The following CDH12 variants were observed in gnomAD, a reference collection of about 807,000 sequenced individuals.
CDH12 encodes cadherin-12.
CDH12 carries 41 observed loss-of-function variants against 74.1 expected under a neutral mutation model. The ratio of observed to expected loss-of-function variants is 0.55; its 90% CI spans 0.43 to 0.72. The LOEUF is 0.72. Ranked by LOEUF, CDH12 falls within the 30% of genes least tolerant of loss-of-function variation. The pLI, the probability that CDH12 is intolerant of heterozygous loss-of-function variation, is 0.00. For synonymous variants in CDH12, 399 were observed against 355.0 expected, an observed-to-expected ratio of 1.12 and a Z score of -1.39; for missense variants, 945 against 977.2, an observed-to-expected ratio of 0.97 and a Z score of 0.44.
chr5:22,069,244 T>C (rs544112877), intron 5 of CDH12, among the ~76,000 whole-genome samples: 7 of 152,120 alleles, frequency 4.6e-5, no homozygotes, highest in Non-Finnish European at 8.8e-5. Context: ...GGTTTTGCCA[T>C]GTTTCCCACC....
intron 5 of CDH12, among the ~76,000 whole-genome samples, chr5:22,015,296 G>GT (rs1737535876): frequency 6.6e-6 from 1 of 152,122 alleles, no homozygotes; most frequent in African/African-American, 2.4e-5. Context: ...TATTTGTGTG[G>GT]TTTTTTTCAC....
At chr5:22,834,407 G>A (rs1736736506) in intron 1 of CDH12, among the ~76,000 whole-genome samples, 1 of 152,142 alleles carries the variant, frequency 6.6e-6, no homozygotes, top group Non-Finnish European at 1.5e-5. Flanking sequence ...AGAAAGGTTT[G>A]CAAGTAGAGT....
intron 3 of CDH12, among the ~76,000 whole-genome samples, chr5:22,328,044 T>C (rs542605436): frequency 7.0e-4 from 107 of 152,240 alleles, no homozygotes; most frequent in Admixed American, 1.0e-3. Flanking sequence ...TTAATATTGT[T>C]TGGAAATGGA....
intron 11 of CDH12, among the ~76,000 whole-genome samples, chr5:21,767,305 T>C (rs1447603101): frequency 6.6e-6 from 1 of 151,710 alleles, no homozygotes; most frequent in Admixed American, 6.6e-5. Flanking sequence ...TTCCTAGAGA[T>C]TTATTTTATA....
intron 6 of CDH12, among the ~76,000 whole-genome samples, chr5:21,927,850 G>T (rs998084535): frequency 1.3e-5 from 2 of 151,878 alleles, no homozygotes; most frequent in African/African-American, 4.8e-5. Context: ...CAAGCGGATC[G>T]TGAGGTCAGG....
At chr5:22,032,019 G>A (rs989440743) in intron 5 of CDH12, among the ~76,000 whole-genome samples, 27 of 151,152 alleles carry the variant, frequency 1.8e-4, no homozygotes, top group African/African-American at 5.3e-4. Flanking sequence ...AAAAAAAATC[G>A]AATCAAAACA....
intron 8 of CDH12, among the ~76,000 whole-genome samples, chr5:21,837,607 C>T (rs559083627): frequency 8.4e-4 from 127 of 151,748 alleles, no homozygotes; most frequent in African/African-American, 2.8e-3. Context: ...GTTTGTAATT[C>T]TATATCACAC....
chr5:22,551,891 GT>G (rs1738591964), intron 1 of CDH12, among the ~76,000 whole-genome samples: 1 of 152,042 alleles, frequency 6.6e-6, no homozygotes, highest in Admixed American at 6.6e-5. Flanking sequence ...AGACATGATG[GT>G]TTTATTTTAT....
intron 2 of CDH12, among the ~76,000 whole-genome samples, chr5:22,433,068 C>T (rs1389244603): frequency 6.6e-6 from 1 of 152,100 alleles, no homozygotes; most frequent in Non-Finnish European, 1.5e-5. Flanking sequence ...CTGACCTTGG[C>T]AAACCCTCCC....
intron 2 of CDH12, among the ~76,000 whole-genome samples, chr5:22,484,263 C>T (rs968194626): frequency 6.6e-6 from 1 of 152,104 alleles, no homozygotes; most frequent in East Asian, 1.9e-4. Context: ...GACTTTCTAT[C>T]ACCAGTGGCT....
chr5:21,967,225 A>G (rs1177898092), intron 6 of CDH12, among the ~76,000 whole-genome samples: 1 of 152,182 alleles, frequency 6.6e-6, no homozygotes, highest in Non-Finnish European at 1.5e-5. Context: ...CGGAGGTGCA[A>G]CTGCTCTCCC....
intron 1 of CDH12, among the ~76,000 whole-genome samples, chr5:22,547,265 C>T (rs1163315158): frequency 6.6e-6 from 1 of 152,114 alleles, no homozygotes. Context: ...TTTATACAGA[C>T]AAGAGACTTG....
At chr5:22,139,165 G>A (rs1746643469) in intron 4 of CDH12, 1 of 147,592 alleles carries the variant, frequency 6.8e-6, no homozygotes, top group South Asian at 2.1e-4. Flanking sequence ...ATTTAATGTA[G>A]TGATGAAAGT....
rs183006053 is a variant in CDH12, at chr5:21,906,368, A to G, written c.527-51578T>C. Reference sequence around the variant, plus strand: ...TCTAGATCTGATATACTGAGATTTGACACATACTTTAGAATATAGCAACAC... The same window carrying G: ...TCTAGATCTGATATACTGAGATTTGGCACATACTTTAGAATATAGCAACAC... On this transcript the variant is annotated intron_variant, in intron 6 of 14. Transcript: ENST00000382254. Among the ~76,000 whole-genome samples, 679 of 152,302 alleles carry G rather than the reference A, an allele frequency of 4.5e-3. 2 individuals are homozygous for G. Among genetic ancestry groups the G allele is most frequent in the Non-Finnish European group, 7.0e-3 (475 of 68,014 alleles).
intron 5 of CDH12, among the ~76,000 whole-genome samples, chr5:22,024,545 C>A (rs565592147): frequency 1.3e-5 from 2 of 152,226 alleles, no homozygotes; most frequent in Admixed American, 1.3e-4. Context: ...CAGAGTCTCA[C>A]TCTGTCACCC....
intron 1 of CDH12, among the ~76,000 whole-genome samples, chr5:22,509,671 A>C (rs1354766333): frequency 6.6e-6 from 1 of 152,204 alleles, no homozygotes; most frequent in African/African-American, 2.4e-5. Context: ...ACTAGTTTGT[A>C]GAATGAGTAG....
chr5:21,911,661 G>A (rs7715179), intron 6 of CDH12, among the ~76,000 whole-genome samples: 112,528 of 151,832 alleles, frequency 0.74, 44,259 homozygotes, highest in East Asian at 0.93. Context: ...ACCTTGACAT[G>A]GTTTATTATA....
intron 1 of CDH12, among the ~76,000 whole-genome samples, chr5:22,783,140 T>C (rs1360868722): frequency 6.6e-6 from 1 of 152,170 alleles, no homozygotes; most frequent in African/African-American, 2.4e-5. Flanking sequence ...GTTTTGCTTT[T>C]AGGACCTAGG....
intron 3 of CDH12, among the ~76,000 whole-genome samples, chr5:22,267,006 C>G (rs1351365109): frequency 6.6e-6 from 1 of 152,006 alleles, no homozygotes; most frequent in Admixed American, 6.6e-5. Context: ...AAAACAAAAC[C>G]CTTTCCAATT....
Sources: allele counts gnomAD v4.1 joint callset (sites outside exome capture counted in the v4.1 genomes callset), GRCh38; gene constraint gnomAD v4.1.1; transcripts MANE v1.5; gene names NCBI Gene and HGNC (gene_info 2026-07-23, HGNC 2026-07-21).